Variants in WDR87 observed in about 807,000 individuals in gnomAD.
The protein encoded by WDR87 is WD repeat-containing protein 87.
A neutral mutation model predicts 83.3 loss-of-function variants in WDR87; 56 were observed. The observed-to-expected ratio is 0.67, with a 90% CI of 0.54 to 0.84. WDR87 has a LOEUF of 0.84. Ranked by LOEUF, WDR87 falls within the 40% of genes least tolerant of loss-of-function variation. WDR87 has a pLI of 0.00. For synonymous variants in WDR87, 1,173 were observed against 1,250.6 expected (o/e 0.94, Z 1.31); for missense variants, 2,939 against 3,431.9 (o/e 0.86, Z 3.59).
chr19:37,887,385 T>G lies in WDR87; in HGVS notation c.6286A>C (p.Arg2096=). 1 of 1,551,708 alleles carries G rather than the reference T, an allele frequency of 6.4e-7. No homozygotes were observed. Among genetic ancestry groups the G allele is most frequent in the Non-Finnish European group, 8.7e-7 (1 of 1,146,984 alleles). Residue 2096 remains arginine, a synonymous_variant, in exon 6 of 6, where the codon AGG becomes CGG. Transcript: ENST00000447313. ...CTCTCCCTTTTTTTAATCAACTTCC[T>G]TGAAGCCTTGGCTAACTTTCTTTGC... ...QGQRKLAKAS[R]KLIKKRESLS... is the part of the protein sequence containing the mutation.
rs1227837795 is a variant in WDR87, at chr19:37,885,925, C to T, written c.7746G>A (p.Arg2582=). 2 of 1,552,274 alleles carry T rather than the reference C, an allele frequency of 1.3e-6. No homozygotes were observed. Among genetic ancestry groups the T allele is most frequent in the Admixed American group, 2.0e-5 (1 of 51,000 alleles). Residue 2582 remains arginine (R), a synonymous_variant, in exon 6 of 6, where the codon AGG becomes AGA. Coordinates refer to ENST00000447313, the MANE Select transcript of WDR87 (RefSeq NM_001291088.2). The part of the protein sequence containing the change: ...ERMEAGEQLS[R]DGFHRLCQLL... ...GCTGGCACAGTCTATGGAAACCATC[C>T]CTGGAAAGCTGTTCTCCCGCTTCCA...
intron 2 of WDR87, among the ~76,000 whole-genome samples, chr19:37,896,794 A>G (rs1969492855): frequency 6.6e-6 from 1 of 151,902 alleles, no homozygotes; most frequent in African/African-American, 2.4e-5. Flanking sequence ...AATTTTTTGT[A>G]TTTTTAGTGG....
rs1340786680 is a variant in WDR87 at position 37,891,638 on chromosome 19, T to G, written c.3308A>C (p.Lys1103Thr). 2 of 1,551,886 alleles carry G rather than the reference T, an allele frequency of 1.3e-6. No homozygotes were observed. The highest frequency in any genetic ancestry group is 1.7e-4 in the Middle Eastern group (1 of 5,992). The change falls in exon 5 of 6, where the codon AAA (lysine) becomes ACA (threonine). Residue 1103 changes from lysine to threonine, a missense_variant. Lys to Thr is a moderately conservative substitution (Grantham distance 78, BLOSUM62 -1). Coordinates refer to ENST00000447313, the MANE Select transcript of WDR87 (RefSeq NM_001291088.2). ...AGATTCTTCAGAAACTGTAGGAGGT[T>G]TCAGGGAGGATTTAAGTTCAGAAGG... is the stretch of plus-strand genomic sequence containing the variant. ...SMPSELKSSL[K>T]PPTVSEESEV...
At chr19:37,891,370 G>A (rs1310789443) in intron 5 of WDR87, among the ~76,000 whole-genome samples, 182 bp downstream of exon 5, 2 of 151,902 alleles carry the variant, frequency 1.3e-5, no homozygotes, top group Non-Finnish European at 2.9e-5. Flanking sequence ...CACCATGTTG[G>A]CCGGGCTGGT....
chr19:37,893,257 AT>A lies in WDR87; in HGVS notation c.2445del (p.Glu815AspfsTer14). ...ILRYYFGHGR[E>X]WLFAPDCYIP... ...ATATAGCAGTCAGGGGCAAAAAGCCATTCCCGCCCATGACCAAAGTAGTATC... is the reference window on the plus strand; with the variant it reads ...ATATAGCAGTCAGGGGCAAAAAGCCATCCCGCCCATGACCAAAGTAGTATC... On this transcript the variant is annotated frameshift_variant, in exon 4 of 6. Coordinates refer to ENST00000447313, the MANE Select transcript of WDR87 (RefSeq NM_001291088.2). LOFTEE classifies it high-confidence loss of function. 6.4e-7 allele frequency: 1 copy of A among 1,551,856 alleles called. No individual in the cohort carries two copies. The highest frequency in any genetic ancestry group is 8.7e-7 in the Non-Finnish European group (1 of 1,147,040).
rs1177324006 is a variant in WDR87, at chr19:37,893,975, T to C, written c.1728A>G (p.Thr576=). 6.4e-7 allele frequency: 1 copy of C among 1,551,800 alleles called. No individual in the cohort carries two copies. Among genetic ancestry groups the C allele is most frequent in the Non-Finnish European group, 8.7e-7 (1 of 1,147,018 alleles). Residue 576 remains threonine (T), a synonymous_variant, in exon 4 of 6, where the codon ACA becomes ACG. Transcript: ENST00000447313. The part of the protein sequence containing the change: ...LPKSVGAITE[T]NCLRLWKFHD... Reference sequence around the variant, plus strand: ...GGAACTTCCAGAGACGCAGGCAGTTTGTCTCTGTGATGGCACCCACAGACT... The same window carrying C: ...GGAACTTCCAGAGACGCAGGCAGTTCGTCTCTGTGATGGCACCCACAGACT...
Position 37,886,731 on chromosome 19 carries a change from C to G in WDR87, c.6940G>C (p.Gly2314Arg). The G allele has an allele frequency of 7.0e-7, 1 of 1,431,490 alleles. No homozygotes were observed. The allele number at this position is 1,431,490 out of a possible 1,614,324, so 88.7% of individuals were successfully genotyped here. The change falls in exon 6 of 6, where the codon GGG becomes CGG. Residue 2314 changes from glycine to arginine, a missense_variant. Physicochemically the swap from Gly to Arg is moderately radical, Grantham distance 125. Coordinates refer to ENST00000447313, the MANE Select transcript of WDR87 (RefSeq NM_001291088.2). Reference sequence around the variant, plus strand: ...TCTTTCTCCACTTGCTTCTCCTCCCCTTCCTCCTCCTCCTTCCTTTCCTCC... The same window carrying G: ...TCTTTCTCCACTTGCTTCTCCTCCCGTTCCTCCTCCTCCTTCCTTTCCTCC... ...EEEERKEEEE[G>R]EEKQVEKEEE... is the part of the protein sequence containing the mutation.
At position 37,895,218 on chromosome 19, in the gene WDR87, T is replaced by C; in HGVS notation, c.485A>G (p.Lys162Arg). Residue 162 changes from lysine (K) to arginine (R), a missense_variant, in exon 4 of 6, where the codon AAG becomes AGG. Physicochemically the swap from Lys to Arg is conservative, Grantham distance 26. Around this residue, in one of 3 missense-constraint regions of WDR87, gnomAD observed 226 missense variants for 320.9 expected, o/e 0.70. Coordinates refer to ENST00000447313, the MANE Select transcript of WDR87 (RefSeq NM_001291088.2). ...ISCLCYDPEM[K>R]MLLSGILGAV... ...CCCCAGGATGCCAGACAGAAGCATC[T>C]TCATTTCCGGGTCATAGCAGAGGCA... The C allele has an allele frequency of 1.3e-6, 2 of 1,551,708 alleles. No individual in the cohort carries two copies. Among genetic ancestry groups the C allele is most frequent in the Non-Finnish European group, 1.7e-6 (2 of 1,146,994 alleles).
At chr19:37,904,124 A>T (rs1374797682) in intron 1 of WDR87, among the ~76,000 whole-genome samples, 1 of 152,040 alleles carries the variant, frequency 6.6e-6, no homozygotes, top group Non-Finnish European at 1.5e-5. Flanking sequence ...CGATGGTCTC[A>T]ATCTCGTGAC....
intron 1 of WDR87, among the ~76,000 whole-genome samples, chr19:37,898,737 G>A (rs1325347444): frequency 1.3e-5 from 2 of 152,176 alleles, no homozygotes; most frequent in African/African-American, 2.4e-5. Context: ...AGACACTTAC[G>A]ACTGCTGTTT....
At chr19:37,902,782 G>A (rs2046301240) in intron 1 of WDR87, among the ~76,000 whole-genome samples, 1 of 152,170 alleles carries the variant, frequency 6.6e-6, no homozygotes, top group African/African-American at 2.4e-5. Flanking sequence ...ACTCTAGGGG[G>A]CGCTGCACTC....
In WDR87 at chr19:37,894,794, A is replaced by G. The variant is rs1385010682; in HGVS notation, c.909T>C (p.Ser303=). The change falls in exon 4 of 6, where the codon AGT becomes AGC. Residue 303 remains serine, a synonymous_variant. Transcript: ENST00000447313. ...GGTTCCACTCCTTGATTAGGCTGTC[A>G]CTACCAGCTGTTAGCAGGGTGTGGG... The part of the protein sequence containing the change: ...PEAHTLLTAG[S]DSLIKEWNLT... 1 of 1,551,592 alleles carries G rather than the reference A, an allele frequency of 6.4e-7. No individual in the cohort carries two copies. Among genetic ancestry groups the G allele is most frequent in the East Asian group, 2.4e-5 (1 of 40,930 alleles).
chr19:37,900,022 CCTT>C (rs1568456773), intron 1 of WDR87, among the ~76,000 whole-genome samples: 1 of 152,220 alleles, frequency 6.6e-6, no homozygotes, highest in Non-Finnish European at 1.5e-5. Flanking sequence ...GCAAAACACA[CCTT>C]CTGGTATGCC....
chr19:37,896,505 C>T (rs1240277227), intron 2 of WDR87, among the ~76,000 whole-genome samples, 197 bp from the exon 3 acceptor site: 2 of 152,198 alleles, frequency 1.3e-5, no homozygotes, highest in Admixed American at 1.3e-4. Flanking sequence ...TCCCCCAATG[C>T]ATGAGGGAAC....
rs1322943631 is a variant in WDR87 at position 37,886,576 on chromosome 19, C to T, written c.7095G>A (p.Glu2365=). 4.6e-6 allele frequency: 7 copies of T among 1,518,526 alleles called. No individual in the cohort carries two copies. Among genetic ancestry groups the T allele is most frequent in the Non-Finnish European group, 2.6e-6 (3 of 1,136,052 alleles). 94.1% of individuals were successfully genotyped at this position (1,518,526 alleles called of 1,614,324 possible). The part of the protein sequence containing the change: ...EETESLSDEE[E]EEESCSLEEE... Reference sequence around the variant, plus strand: ...CTTCCAATGAGCAGCTCTCCTCTTCCTCTTCCTCGTCACTCAAACTTTCTG... The same window carrying T: ...CTTCCAATGAGCAGCTCTCCTCTTCTTCTTCCTCGTCACTCAAACTTTCTG... Residue 2365 remains glutamate, a synonymous_variant, in exon 6 of 6, where the codon GAG becomes GAA. Transcript: ENST00000447313.
At position 37,893,704 on chromosome 19, in the gene WDR87, G is replaced by T; in HGVS notation, c.1999C>A (p.Gln667Lys). Reference sequence around the variant, plus strand: ...AAACAGGACACTAGGTAAAGACTCTGGTTAAAAGTCACAAGCAGGTCACCC... The same window carrying T: ...AAACAGGACACTAGGTAAAGACTCTTGTTAAAAGTCACAAGCAGGTCACCC... ...DRGDLLVTFN[Q>K]SLYLVSCLKL... is the part of the protein sequence containing the mutation. The change falls in exon 4 of 6, where the codon CAG becomes AAG. Residue 667 changes from glutamine to lysine, a missense_variant. Physicochemically the swap from Gln to Lys is moderately conservative, Grantham distance 53. This residue lies in a region of WDR87 where 553 missense variants were observed against 577.9 expected (regional missense o/e 0.96). Transcript: ENST00000447313. 6.4e-7 allele frequency: 1 copy of T among 1,551,820 alleles called. No individual in the cohort carries two copies. Among genetic ancestry groups the T allele is most frequent in the Non-Finnish European group, 8.7e-7 (1 of 1,147,076 alleles).
At position 37,893,015 on chromosome 19, in the gene WDR87, G is replaced by A; in HGVS notation, c.2688C>T (p.Thr896=). 1 of 1,551,760 alleles carries A rather than the reference G, an allele frequency of 6.4e-7. No homozygotes were observed. Among genetic ancestry groups the A allele is most frequent in the Non-Finnish European group, 8.7e-7 (1 of 1,147,016 alleles). Reference sequence around the variant, plus strand: ...TTGCTCCATCTGTAAGGACACTGTAGGTTACATCCTTGGAAAGTCTCATTT... The same window carrying A: ...TTGCTCCATCTGTAAGGACACTGTAAGTTACATCCTTGGAAAGTCTCATTT... ...FLEMRLSKDV[T]YSVLTDGANR... The change falls in exon 4 of 6, where the codon ACC becomes ACT. Residue 896 remains threonine, a synonymous_variant. Transcript: ENST00000447313.
chr19:37,893,873 T>A lies in WDR87; in HGVS notation c.1830A>T (p.Thr610=). 1 of 1,551,912 alleles carries A rather than the reference T, an allele frequency of 6.4e-7. No homozygotes were observed. The highest frequency in any genetic ancestry group is 2.4e-5 in the East Asian group (1 of 40,912). Residue 610 remains threonine, a synonymous_variant, in exon 4 of 6, where the codon ACA becomes ACT. Transcript: ENST00000447313. ...TCAAGGAGAGGCAGACATCAAAGGA[T>A]GTGATGGCACACAGGTGCAGAGGCA... ...ETLPLHLCAI[T]SFDVCLSLSL...
intron 1 of WDR87, among the ~76,000 whole-genome samples, chr19:37,901,579 A>G (rs1299038977): frequency 6.6e-6 from 1 of 152,092 alleles, no homozygotes; most frequent in Non-Finnish European, 1.5e-5. Context: ...CCATATTCCA[A>G]ATAGCTCCAC....
Sources: gnomAD v4.1 joint callset for allele counts (sites outside exome capture counted in the v4.1 genomes callset) on GRCh38, gnomAD v4.1.1 for gene constraint, gnomAD v4.1.1 regional missense constraint, MANE v1.5 for transcripts, NCBI Gene and HGNC (gene_info 2026-07-23, HGNC 2026-07-21) for gene names.